Variants in NEB observed in about 807,000 individuals in gnomAD.
The protein encoded by NEB is nemaline myopathy type 2.
Under a neutral mutation model 952.2 loss-of-function variants are expected in NEB, and 512 were observed. The ratio of observed to expected loss-of-function variants is 0.54; its 90% CI spans 0.50 to 0.58. The LOEUF is 0.58. NEB is among the 20% of genes least tolerant of loss of function. The probability of loss-of-function intolerance (pLI) is 0.00; values close to 1 mark genes in which losing one functional copy is unlikely to be tolerated. For synonymous variants in NEB, 2,900 were observed against 3,149.8 expected, an observed-to-expected ratio of 0.92 and a Z score of 2.66; for missense variants, 8,428 against 9,231.1, an observed-to-expected ratio of 0.91 and a Z score of 3.56.
chr2:151,668,974 A>G (rs2099253288), intron 39 of NEB, 53 bp downstream of exon 39: 7 of 1,326,300 alleles, frequency 5.3e-6, no homozygotes, highest in Middle Eastern at 1.8e-4. Context: ...GTTGCAAAGA[A>G]CCAGAAAGGA....
chr2:151,518,289 A>T (rs1456511588), intron 156 of NEB, 29 bp downstream of exon 156: 7 of 1,480,754 alleles, frequency 4.7e-6, no homozygotes, highest in Non-Finnish European at 6.6e-6. Flanking sequence ...AATGTGCGCC[A>T]GAGGAAAAAT....
chr2:151,665,645 G>A (rs1222017855), intron 41 of NEB, 106 bp from the exon 42 acceptor site: 1 of 976,858 alleles, frequency 1.0e-6, no homozygotes, highest in Admixed American at 2.9e-5. Flanking sequence ...GCTGGGAGGG[G>A]GAGAATAATC....
chr2:151,664,798 A>T lies in NEB; in HGVS notation c.5304T>A (p.Asp1768Glu), dbSNP rs1417460673. 6.2e-7 allele frequency: 1 copy of T among 1,612,960 alleles called. No individual in the cohort carries two copies. Among genetic ancestry groups the T allele is most frequent in the Non-Finnish European group, 8.5e-7 (1 of 1,179,348 alleles). ...TTTGGTTTACTCTGGAGAGTAAAAT[A>T]TCCGGTGTGTCAGGCATGACATGAA... ...TTIHVMPDTP[D>E]ILLSRVNQIT... is the part of the protein sequence containing the mutation. Residue 1768 changes from aspartate (D) to glutamate (E), a missense_variant, in exon 43 of 182, where the codon GAT becomes GAA. Asp to Glu is a conservative substitution (Grantham distance 45). Around this residue, in one of 11 missense-constraint regions of NEB, gnomAD observed 2,851 missense variants for 2,791.5 expected, o/e 1.02. Transcript: ENST00000397345.
chr2:151,655,966 C>G lies in NEB; in HGVS notation c.6553G>C (p.Gly2185Arg). The change falls in exon 50 of 182, where the codon GGT becomes CGT. Residue 2185 changes from glycine to arginine, a missense_variant. Around this residue, in one of 11 missense-constraint regions of NEB, gnomAD observed 2,851 missense variants for 2,791.5 expected, o/e 1.02. Coordinates refer to ENST00000397345, the MANE Select transcript of NEB (RefSeq NM_001164508.2). ...WYKGLGWSPA[G>R]SLEVEKAKKA... ...TTGGCCTTCTCCACTTCCAGAGAAC[C>G]TGCTGGACTCCAGCCAAGCCCTTTG... is the stretch of plus-strand genomic sequence containing the variant. 6.2e-7 allele frequency: 1 copy of G among 1,613,752 alleles called. No individual in the cohort carries two copies. Among genetic ancestry groups the G allele is most frequent in the Non-Finnish European group, 8.5e-7 (1 of 1,179,778 alleles).
Position 151,614,478 on chromosome 2 carries a change from C to A in NEB, c.11399G>T (p.Ser3800Ile). The A allele has an allele frequency of 6.2e-7, 1 of 1,613,934 alleles. No individual in the cohort carries two copies. The highest frequency in any genetic ancestry group is 1.1e-5 in the South Asian group (1 of 91,082). Residue 3800 changes from serine (S) to isoleucine (I), a missense_variant, in exon 77 of 182, where the codon AGT (serine) becomes ATT (isoleucine). Coordinates refer to ENST00000397345, the MANE Select transcript of NEB (RefSeq NM_001164508.2). ...AAACTCCTTCTTGTACTCCCTGTCA[C>A]TCTGGATCTTGGCCACATGGATGGA... is the stretch of plus-strand genomic sequence containing the variant. Reference protein sequence around the residue: ...MWSIHVAKIQSDREYKKEFEK... With the variant: ...MWSIHVAKIQIDREYKKEFEK...
chr2:151,677,860 AGT>A lies in NEB; in HGVS notation c.3567+14_3567+15del. ...AACTTAATAGGGGGGTTTCTTGAGA[AGT>A]AAATGACACTTACATCACTCTGTAT... On this transcript the variant is annotated intron_variant, in intron 33 of 181. Transcript: ENST00000397345. 1 of 1,605,820 alleles carries A rather than the reference AGT, an allele frequency of 6.2e-7. No homozygotes were observed. Among genetic ancestry groups the A allele is most frequent in the Non-Finnish European group, 8.5e-7 (1 of 1,175,098 alleles).
rs780553800 is a variant in NEB, at chr2:151,633,730, T to C, written c.9338A>G (p.Tyr3113Cys). ...TLVSDVDYKN[Y>C]LHEWTCLPDQ... ...AGGCAGGCATGTCCACTCGTGCAGGTAGTTCTTATAGTCCACGTCACTGAC... is the reference window on the plus strand; with the variant it reads ...AGGCAGGCATGTCCACTCGTGCAGGCAGTTCTTATAGTCCACGTCACTGAC... The change falls in exon 65 of 182, where the codon TAC (tyrosine) becomes TGC (cysteine). Residue 3113 changes from tyrosine to cysteine, a missense_variant. Tyr to Cys is a radical substitution (Grantham distance 194, BLOSUM62 -2). Transcript: ENST00000397345. 3 of 1,614,010 alleles carry C rather than the reference T, an allele frequency of 1.9e-6. No individual in the cohort carries two copies. The highest frequency in any genetic ancestry group is 2.5e-6 in the Non-Finnish European group (3 of 1,179,894).
intron 3 of NEB, among the ~76,000 whole-genome samples, chr2:151,730,044 A>G (rs972792810): frequency 1.3e-5 from 2 of 152,230 alleles, no homozygotes; most frequent in African/African-American, 4.8e-5. Context: ...AGGAACTGTG[A>G]TAAAACTCAC....
intron 161 of NEB, 30 bp downstream of exon 161, chr2:151,512,703 T>TA (rs2075449679): frequency 6.8e-7 from 1 of 1,462,128 alleles, no homozygotes; most frequent in East Asian, 2.3e-5. Context: ...GATTGGGGTT[T>TA]ATGAGTGATG....
intron 56 of NEB, 76 bp downstream of exon 56, chr2:151,644,392 A>G: frequency 7.2e-7 from 1 of 1,397,708 alleles, no homozygotes; most frequent in Non-Finnish European, 1.0e-6. Context: ...ATTTTGTTCA[A>G]TTTAAAATTA....
intron 145 of NEB, 69 bp from the exon 146 acceptor site, chr2:151,529,383 G>T (rs1208453068): frequency 2.9e-6 from 3 of 1,029,188 alleles, no homozygotes; most frequent in South Asian, 1.3e-5. Flanking sequence ...TAAAAAACAA[G>T]AAATTAAATC....
At position 151,553,429 on chromosome 2, in the gene NEB, T is replaced by C. The variant is rs763809075; in HGVS notation, c.19700A>G (p.His6567Arg). ...ACGTAGATCATAAGCATGCTTGGCA[T>C]GGAGGATTTCAGGAGTGTCCCAGAC... Reference protein sequence around the residue: ...CYVWDTPEILHAKHAYDLRDD... With the variant: ...CYVWDTPEILRAKHAYDLRDD... The change falls in exon 127 of 182, where the codon CAT (histidine) becomes CGT (arginine). Residue 6567 changes from histidine to arginine, a missense_variant. Transcript: ENST00000397345. The C allele has an allele frequency of 2.5e-6, 4 of 1,613,646 alleles. No individual in the cohort carries two copies. In the East Asian group the frequency reaches 6.7e-5, roughly 27 times the overall value.
chr2:151,664,413 GAGCTGACCACTGCTCCTACATACACACA>G (rs558897486), intron 44 of NEB, 60 bp downstream of exon 44: 24 of 979,196 alleles, frequency 2.5e-5, no homozygotes, highest in Admixed American at 1.1e-4. Context: ...ACCCTGAATG[GAGCTGACCACTGCTCCTACATACACACA>G]AGCTTAGCGC....
In NEB at chr2:151,505,670, T is replaced by A. The variant is rs2068240837; in HGVS notation, c.23650-100A>T. On this transcript the variant is annotated intron_variant, in intron 164 of 181. Transcript: ENST00000397345. ...TTTTGTAGCCCCCAAATTAAAAAAA[T>A]TAACAGTGTAAATAACGCAGGCTTT... The A allele has an allele frequency of 1.7e-5, 17 of 982,504 alleles. 1 individual carries two copies. The South Asian group carries it at 2.0e-4, about 11-fold the overall frequency. The allele number at this position is 982,504 out of a possible 1,614,324, so 60.9% of individuals were successfully genotyped here. A position where few individuals can be genotyped will look rare whatever the true frequency, so the allele number is the denominator to read the frequency against.
intron 54 of NEB, among the ~76,000 whole-genome samples, chr2:151,646,461 C>T (rs930338308): frequency 1.3e-5 from 2 of 152,176 alleles, no homozygotes; most frequent in African/African-American, 4.8e-5. Context: ...TACAGATAAT[C>T]CTGCCTACAA....
intron 50 of NEB, 146 bp downstream of exon 50, chr2:151,655,671 G>A (rs2154147188): frequency 2.6e-6 from 2 of 759,388 alleles, no homozygotes; most frequent in South Asian, 2.3e-5. Context: ...GAGATGGGCA[G>A]AAGAAGATGG....
intron 6 of NEB, 24 bp downstream of exon 6, chr2:151,725,429 C>T: frequency 6.3e-7 from 1 of 1,580,712 alleles, no homozygotes; most frequent in South Asian, 1.1e-5. Flanking sequence ...TGTCCCTCTC[C>T]TTTATTTCAG....
chr2:151,520,651 G>A (rs2081302618), intron 153 of NEB, among the ~76,000 whole-genome samples: 2 of 152,236 alleles, frequency 1.3e-5, no homozygotes, highest in South Asian at 4.1e-4. Flanking sequence ...AATTACTTGA[G>A]CCCAGGAGTT....
At chr2:151,643,114 AAATT>A (rs1336614581) in intron 58 of NEB, 32 bp downstream of exon 58, 1 of 1,573,082 alleles carries the variant, frequency 6.4e-7, no homozygotes, top group Non-Finnish European at 8.7e-7. Flanking sequence ...TAAACAAAAA[AAATT>A]AATAACCTCC....
Sources: gnomAD v4.1 joint callset for allele counts (sites outside exome capture counted in the v4.1 genomes callset) on GRCh38, gnomAD v4.1.1 for gene constraint, gnomAD v4.1.1 regional missense constraint, MANE v1.5 for transcripts, NCBI Gene and HGNC (gene_info 2026-07-23, HGNC 2026-07-21) for gene names.